Variants in TECRL observed in about 807,000 individuals in gnomAD.
TECRL encodes trans-2,3-enoyl-CoA reductase like.
A neutral mutation model predicts 52.8 loss-of-function variants in TECRL; 63 were observed. The observed-to-expected ratio is 1.19, with a 90% CI of 0.97 to 1.47. The LOEUF is 1.47. TECRL is among the 40% of genes most tolerant of loss of function. The pLI is 0.00. For synonymous variants in TECRL, 164 were observed against 141.9 expected (o/e 1.16, Z -1.10); for missense variants, 482 against 429.6 (o/e 1.12, Z -1.08).
At chr4:64,331,952 A>G (rs1163981789) in intron 2 of TECRL, among the ~76,000 whole-genome samples, 1 of 152,198 alleles carries the variant, frequency 6.6e-6, no homozygotes, top group East Asian at 1.9e-4. Flanking sequence ...GACAAACTAC[A>G]TATTCCATCT....
At position 64,406,036 on chromosome 4, in the gene TECRL, G is replaced by A. The variant is rs200326865; in HGVS notation, c.234+3082C>T. On this transcript the variant is annotated intron_variant, in intron 1 of 11. Transcript: ENST00000381210. Reference sequence around the variant, plus strand: ...AAATGAATTGGGACTAGGATACAGTGAGAAGAGGCAAATGAAAGCTGACAA... The same window carrying A: ...AAATGAATTGGGACTAGGATACAGTAAGAAGAGGCAAATGAAAGCTGACAA... Among the ~76,000 whole-genome samples the A allele has an allele frequency of 4.6e-5, 7 of 152,066 alleles. No individual in the cohort carries two copies. The East Asian group carries it at 9.6e-4, about 21-fold the overall frequency.
intron 6 of TECRL, among the ~76,000 whole-genome samples, chr4:64,308,797 C>CT (rs2109995582): frequency 6.6e-6 from 1 of 152,130 alleles, no homozygotes; most frequent in South Asian, 2.1e-4. Context: ...CTTTGCTCCA[C>CT]TTGTACTAAT....
intron 2 of TECRL, among the ~76,000 whole-genome samples, chr4:64,343,676 T>C (rs1487872359): frequency 6.6e-6 from 1 of 152,110 alleles, no homozygotes; most frequent in African/African-American, 2.4e-5. Flanking sequence ...TAGAATTTTA[T>C]TCATCTCATT....
chr4:64,300,347 A>G (rs897349562), intron 7 of TECRL, among the ~76,000 whole-genome samples: 4 of 150,924 alleles, frequency 2.7e-5, no homozygotes, highest in Non-Finnish European at 6.0e-5. Flanking sequence ...GCACCACAAA[A>G]TAACTCTCAT....
intron 8 of TECRL, among the ~76,000 whole-genome samples, chr4:64,296,785 G>A (rs1186968994): frequency 1.3e-5 from 2 of 151,426 alleles, no homozygotes; most frequent in African/African-American, 2.4e-5. Context: ...GATGAGGTGG[G>A]GTCATGGAAA....
chr4:64,408,987 C>T lies in TECRL; in HGVS notation c.234+131G>A, dbSNP rs191754240. 1.2e-3 allele frequency: 1,020 copies of T among 825,752 alleles called. 17 individuals are homozygous for T. The Admixed American group carries it at 0.026, about 21-fold the overall frequency. 51.2% of individuals were successfully genotyped at this position (825,752 alleles called of 1,614,324 possible). ...CATAAAGTATGCATCCTGTTCACCA[C>T]AAAATTAAGGTAAAAGTCAGAAATG... is the stretch of plus-strand genomic sequence containing the variant. On this transcript the variant is annotated intron_variant, in intron 1 of 11. Transcript: ENST00000381210.
intron 2 of TECRL, among the ~76,000 whole-genome samples, chr4:64,343,782 G>A (rs1719749445): frequency 6.6e-6 from 1 of 151,944 alleles, no homozygotes; most frequent in Admixed American, 6.6e-5. Flanking sequence ...AATCTTGCTG[G>A]TTGATTGCTG....
intron 2 of TECRL, among the ~76,000 whole-genome samples, chr4:64,331,646 T>C (rs1718649805): frequency 6.6e-6 from 1 of 152,018 alleles, no homozygotes; most frequent in Non-Finnish European, 1.5e-5. Flanking sequence ...TAGAAAAACA[T>C]GGTAGTGCAA....
At chr4:64,306,978 T>G (rs189794364) in intron 6 of TECRL, among the ~76,000 whole-genome samples, 1 of 152,324 alleles carries the variant, frequency 6.6e-6, no homozygotes, top group African/African-American at 2.4e-5. Flanking sequence ...TGTGGAGAGC[T>G]CTATAGGTCC....
intron 1 of TECRL, among the ~76,000 whole-genome samples, chr4:64,387,649 T>C (rs1448642046): frequency 6.6e-6 from 1 of 152,090 alleles, no homozygotes; most frequent in Non-Finnish European, 1.5e-5. Flanking sequence ...TGACATATAA[T>C]GTAGAGTCTC....
intron 9 of TECRL, among the ~76,000 whole-genome samples, chr4:64,283,103 T>G (rs1466211877): frequency 6.6e-6 from 1 of 152,054 alleles, no homozygotes; most frequent in Non-Finnish European, 1.5e-5. Context: ...ACTACGGTAT[T>G]TGATCAATAT....
chr4:64,331,817 C>A (rs1158694219), intron 2 of TECRL, among the ~76,000 whole-genome samples: 1 of 151,682 alleles, frequency 6.6e-6, no homozygotes, highest in Non-Finnish European at 1.5e-5. Context: ...ACTCAGAAAG[C>A]AGAAAGATAA....
intron 8 of TECRL, among the ~76,000 whole-genome samples, chr4:64,297,186 A>G (rs1290401320): frequency 6.6e-6 from 1 of 151,420 alleles, no homozygotes; most frequent in Admixed American, 6.6e-5. Flanking sequence ...AGTAGAAAAA[A>G]CAAGAGGGAG....
chr4:64,407,367 AT>A (rs564695701), intron 1 of TECRL, among the ~76,000 whole-genome samples: 14 of 151,974 alleles, frequency 9.2e-5, no homozygotes, highest in Non-Finnish European at 1.6e-4. Flanking sequence ...TAAATGTTTA[AT>A]TTTTTTCACA....
chr4:64,388,066 T>C (rs1221161452), intron 1 of TECRL, among the ~76,000 whole-genome samples: 3 of 151,746 alleles, frequency 2.0e-5, no homozygotes, highest in East Asian at 1.9e-4. Context: ...TTTCAAAAGA[T>C]CTTTGCCAAA....
rs1722707658 is a variant in TECRL at position 64,279,442 on chromosome 4, GTCTC to G, written c.*626_*629del. On this transcript the variant is annotated 3_prime_UTR_variant, in exon 12 of 12. Coordinates refer to ENST00000381210, the MANE Select transcript of TECRL (RefSeq NM_001010874.5). The stretch of plus-strand genomic sequence containing the variant: ...TTTAAAATTTTTTTGTAGAGACAGA[GTCTC>G]AATATGCTTTTTAGAGACAGAGTCT... The G allele has an allele frequency of 6.6e-6, 1 of 152,112 alleles. No homozygotes were observed. The highest frequency in any genetic ancestry group is 2.4e-5 in the African/African-American group (1 of 41,400). 9.4% of individuals were successfully genotyped at this position (152,112 alleles called of 1,614,324 possible).
intron 4 of TECRL, among the ~76,000 whole-genome samples, chr4:64,315,286 G>A (rs921415682): frequency 3.3e-5 from 5 of 152,006 alleles, no homozygotes; most frequent in East Asian, 1.9e-4. Context: ...ATTCTAATGA[G>A]TCTGGTTGTA....
chr4:64,346,230 T>C (rs1193637128), intron 2 of TECRL, among the ~76,000 whole-genome samples: 1 of 152,218 alleles, frequency 6.6e-6, no homozygotes, highest in East Asian at 1.9e-4. Context: ...CAGGTGTACA[T>C]TGCAAGCTGT....
chr4:64,372,982 T>C (rs143061047), intron 2 of TECRL, among the ~76,000 whole-genome samples: 3 of 151,814 alleles, frequency 2.0e-5, no homozygotes, highest in Non-Finnish European at 3.0e-5. Flanking sequence ...CTAAGGCAAT[T>C]AAGAGAGAAG....
Sources: gnomAD v4.1 joint callset for allele counts (sites outside exome capture counted in the v4.1 genomes callset) on GRCh38, gnomAD v4.1.1 for gene constraint, MANE v1.5 for transcripts, NCBI Gene and HGNC (gene_info 2026-07-23, HGNC 2026-07-21) for gene names.